ADAMTS12: variants seen among roughly 807,000 people sequenced by gnomAD.
ADAMTS12 encodes A disintegrin and metalloproteinase with thrombospondin motifs 12.
In ADAMTS12, 118 loss-of-function variants were observed where a neutral mutation model predicts 167.8. The observed-to-expected ratio is 0.70, with a 90% CI of 0.61 to 0.82. ADAMTS12 has a LOEUF of 0.82. Ranked by LOEUF, ADAMTS12 falls within the 40% of genes least tolerant of loss-of-function variation. ADAMTS12 has a pLI of 0.00. For missense variants in ADAMTS12, 1,916 were observed against 1,998.8 expected, an observed-to-expected ratio of 0.96 and a Z score of 0.79; for synonymous variants, 704 against 716.9, an observed-to-expected ratio of 0.98 and a Z score of 0.29.
At chr5:33,571,481 T>G (rs1746342381) in intron 19 of ADAMTS12, among the ~76,000 whole-genome samples, 1 of 152,124 alleles carries the variant, frequency 6.6e-6, no homozygotes, top group East Asian at 1.9e-4. Flanking sequence ...CTGAACAACC[T>G]GCTCCCGAAT....
chr5:33,885,067 C>G (rs1443893482), intron 1 of ADAMTS12, among the ~76,000 whole-genome samples: 2 of 152,084 alleles, frequency 1.3e-5, no homozygotes, highest in African/African-American at 4.8e-5. Flanking sequence ...ACTTAGAAAA[C>G]AACTATAATA....
chr5:33,827,777 C>T (rs565805334), intron 2 of ADAMTS12, among the ~76,000 whole-genome samples: 63 of 151,518 alleles, frequency 4.2e-4, no homozygotes, highest in African/African-American at 1.5e-3. Context: ...TTTTTGTTTG[C>T]TAATGTAGTT....
At chr5:33,702,483 G>T (rs1030495180) in intron 3 of ADAMTS12, among the ~76,000 whole-genome samples, 1 of 152,192 alleles carries the variant, frequency 6.6e-6, no homozygotes, top group Non-Finnish European at 1.5e-5. Flanking sequence ...AGACAGGAGT[G>T]TAAGTCAAAC....
At chr5:33,541,494 A>T (rs1192019367) in intron 22 of ADAMTS12, among the ~76,000 whole-genome samples, 1 of 152,224 alleles carries the variant, frequency 6.6e-6, no homozygotes, top group Non-Finnish European at 1.5e-5. Flanking sequence ...CACCACAAAG[A>T]TACTCCTCGA....
At chr5:33,545,555 T>G (rs1410666412) in intron 22 of ADAMTS12, among the ~76,000 whole-genome samples, 2 of 152,140 alleles carry the variant, frequency 1.3e-5, no homozygotes, top group African/African-American at 2.4e-5. Flanking sequence ...TAAAGACACA[T>G]GCACATGTAT....
intron 14 of ADAMTS12, among the ~76,000 whole-genome samples, chr5:33,620,703 G>A (rs933859283): frequency 4.6e-5 from 7 of 152,126 alleles, no homozygotes; most frequent in Admixed American, 3.3e-4. Context: ...ATATTTTATG[G>A]TAGTAAATGA....
intron 2 of ADAMTS12, among the ~76,000 whole-genome samples, chr5:33,751,797 C>A (rs1006573584): frequency 3.9e-5 from 6 of 152,314 alleles, no homozygotes; most frequent in Middle Eastern, 3.4e-3. Flanking sequence ...TGCACACATA[C>A]ACATGTGTCC....
At chr5:33,869,369 A>C (rs1749952071) in intron 2 of ADAMTS12, among the ~76,000 whole-genome samples, 1 of 152,018 alleles carries the variant, frequency 6.6e-6, no homozygotes, top group Non-Finnish European at 1.5e-5. Context: ...ATGTATGAAA[A>C]TGCCTGGATG....
In ADAMTS12 at chr5:33,624,275, G is replaced by A. The variant is rs1739472799; in HGVS notation, c.2099C>T (p.Ser700Phe). 6.2e-7 allele frequency: 1 copy of A among 1,614,046 alleles called. No individual in the cohort carries two copies. The highest frequency in any genetic ancestry group is 2.2e-5 in the East Asian group (1 of 44,868). Reference sequence around the variant, plus strand: ...AAACATCTTTCTCACAGTCTGGCAGGAAGAGCCATCTCCCAGGCACACACC... The same window carrying A: ...AAACATCTTTCTCACAGTCTGGCAGAAAGAGCCATCTCCCAGGCACACACC... ...RCGVCLGDGS[S>F]CQTVRKMFKQ... is the part of the protein sequence containing the mutation. The change falls in exon 14 of 24, where the codon TCC becomes TTC. Residue 700 changes from serine to phenylalanine, a missense_variant. By Grantham distance (155) the Ser-to-Phe change is radical. Transcript: ENST00000504830.
chr5:33,584,466 A>C (rs1441816622), intron 18 of ADAMTS12, among the ~76,000 whole-genome samples: 1 of 152,090 alleles, frequency 6.6e-6, no homozygotes, highest in African/African-American at 2.4e-5. Flanking sequence ...GAGCTCCCTG[A>C]GCTCAAGGAG....
chr5:33,721,926 T>C (rs902013132), intron 3 of ADAMTS12, among the ~76,000 whole-genome samples: 5 of 152,232 alleles, frequency 3.3e-5, no homozygotes, highest in African/African-American at 1.2e-4. Context: ...TTGTTCACAG[T>C]GATCTGAGCC....
chr5:33,669,670 A>C (rs1000525965), intron 5 of ADAMTS12, among the ~76,000 whole-genome samples: 26 of 152,102 alleles, frequency 1.7e-4, no homozygotes, highest in African/African-American at 6.3e-4. Context: ...AAAAGGCAAA[A>C]GTCTTAGATT....
chr5:33,738,398 T>C lies in ADAMTS12; in HGVS notation c.634+13006A>G, dbSNP rs376262319. ...TCCAATGCTAATAGCCGCTTTAGGC[T>C]GGAACTGTTCTCAAGAAATGAAGGT... is the stretch of plus-strand genomic sequence containing the variant. On this transcript the variant is annotated intron_variant, in intron 3 of 23. Coordinates refer to ENST00000504830, the MANE Select transcript of ADAMTS12 (RefSeq NM_030955.4). Among the ~76,000 whole-genome samples, 3 of 152,312 alleles carry C rather than the reference T, an allele frequency of 2.0e-5. No individual in the cohort carries two copies. In the East Asian group the frequency reaches 5.8e-4, roughly 29 times the overall value.
At chr5:33,706,672 T>C (rs1320197877) in intron 3 of ADAMTS12, among the ~76,000 whole-genome samples, 1 of 152,302 alleles carries the variant, frequency 6.6e-6, no homozygotes, top group South Asian at 2.1e-4. Flanking sequence ...AATATTGTTA[T>C]GTGTGAATTT....
intron 23 of ADAMTS12, among the ~76,000 whole-genome samples, chr5:33,528,205 A>G (rs115093433): frequency 0.018 from 2,775 of 152,268 alleles, 79 homozygotes; most frequent in African/African-American, 0.064. Flanking sequence ...CTCATTTATA[A>G]GTGGGAGCTA....
chr5:33,785,674 G>A (rs968784218), intron 2 of ADAMTS12, among the ~76,000 whole-genome samples: 30 of 152,112 alleles, frequency 2.0e-4, no homozygotes, highest in Admixed American at 1.8e-3. Context: ...GCCAAATGTT[G>A]GCTAACATAT....
At chr5:33,791,770 CT>C (rs34517781) in intron 2 of ADAMTS12, among the ~76,000 whole-genome samples, 2,621 of 141,070 alleles carry the variant, frequency 0.019, 53 homozygotes, top group African/African-American at 0.055. Context: ...ATTTCCTTTT[CT>C]TTTTTTTTTT....
At chr5:33,828,963 A>C (rs1748197358) in intron 2 of ADAMTS12, among the ~76,000 whole-genome samples, 1 of 152,022 alleles carries the variant, frequency 6.6e-6, no homozygotes, top group African/African-American at 2.4e-5. Context: ...TCCACTTGGG[A>C]TGGGGAGTGG....
At chr5:33,724,541 G>GCTT (rs1178374669) in intron 3 of ADAMTS12, among the ~76,000 whole-genome samples, 1 of 149,010 alleles carries the variant, frequency 6.7e-6, no homozygotes, top group African/African-American at 2.5e-5. Flanking sequence ...AAGGCTAACA[G>GCTT]CTTCTTTTTT....
Sources: gnomAD v4.1 joint callset for allele counts (sites outside exome capture counted in the v4.1 genomes callset) on GRCh38, gnomAD v4.1.1 for gene constraint, MANE v1.5 for transcripts, NCBI Gene and HGNC (gene_info 2026-07-23, HGNC 2026-07-21) for gene names.